Variants in STK3 observed in about 807,000 individuals in gnomAD.
STK3 encodes serine/threonine-protein kinase 3.
In STK3, 41 loss-of-function variants were observed where a neutral mutation model predicts 58.0. The ratio of observed to expected loss-of-function variants is 0.71; its 90% CI spans 0.55 to 0.92. The LOEUF (loss-of-function observed/expected upper bound fraction) is 0.92, where lower values mean the gene tolerates loss of function less well. STK3 is among the 40% of genes least tolerant of loss of function. The pLI is 0.00. For missense variants in STK3, 479 were observed against 602.7 expected (o/e 0.79, Z 2.15); for synonymous variants, 170 against 191.0 (o/e 0.89, Z 0.91).
chr8:98,842,218 A>C (rs1457766399), intron 3 of STK3, among the ~76,000 whole-genome samples: 2 of 152,218 alleles, frequency 1.3e-5, no homozygotes, highest in African/African-American at 2.4e-5. Context: ...TTAATATATA[A>C]ATTTAGTTAA....
chr8:98,718,494 C>T (rs186827677), intron 4 of STK3, among the ~76,000 whole-genome samples: 44 of 152,262 alleles, frequency 2.9e-4, no homozygotes, highest in African/African-American at 1.1e-3. Context: ...AAAGCAAGCA[C>T]CATACTCTAA....
chr8:98,713,861 C>A (rs558462472), intron 4 of STK3, among the ~76,000 whole-genome samples: 2 of 152,154 alleles, frequency 1.3e-5, no homozygotes, highest in South Asian at 4.2e-4. Flanking sequence ...CCCTGATGAA[C>A]ATCGATGCAA....
At chr8:98,619,613 T>A (rs1818079169) in intron 6 of STK3, among the ~76,000 whole-genome samples, 2 of 94,076 alleles carry the variant, frequency 2.1e-5, no homozygotes, top group African/African-American at 4.5e-5. Flanking sequence ...TCAAACAAAT[T>A]TACAAGAAAA....
chr8:98,625,150 C>T (rs529764914), intron 6 of STK3, among the ~76,000 whole-genome samples: 4 of 152,216 alleles, frequency 2.6e-5, no homozygotes, highest in East Asian at 3.9e-4. Context: ...GCTAAATGGT[C>T]GTGGCCTTGT....
At chr8:98,765,067 G>T (rs757751983) in intron 3 of STK3, among the ~76,000 whole-genome samples, 14 of 152,180 alleles carry the variant, frequency 9.2e-5, no homozygotes, top group Non-Finnish European at 1.8e-4. Flanking sequence ...TGAGGGAAGA[G>T]ATATGTAATA....
intron 4 of STK3, among the ~76,000 whole-genome samples, chr8:98,746,540 G>A (rs901984431): frequency 6.6e-6 from 1 of 152,118 alleles, no homozygotes; most frequent in Non-Finnish European, 1.5e-5. Flanking sequence ...TTGAGCCCAG[G>A]AGGCCGGGGC....
intron 8 of STK3, among the ~76,000 whole-genome samples, chr8:98,554,616 C>T (rs983050782): frequency 3.3e-5 from 5 of 152,002 alleles, no homozygotes; most frequent in East Asian, 1.9e-4. Context: ...ATCTAATTTA[C>T]AAATTGACAG....
At chr8:98,370,213 T>A (rs1225961591), downstream of STK3, among the ~76,000 whole-genome samples, 1 of 151,166 alleles carries the variant, frequency 6.6e-6, no homozygotes, top group Admixed American at 6.6e-5. Context: ...AGGTCTTTAA[T>A]GTTTGTTGGG....
intron 3 of STK3, among the ~76,000 whole-genome samples, chr8:98,408,024 AGCACTTGATGAGAC>A (rs1408369878): frequency 1.3e-5 from 2 of 152,222 alleles, no homozygotes; most frequent in East Asian, 1.9e-4. Flanking sequence ...CTTTGCAGAG[AGCACTTGATGAGAC>A]GCACTTGATG....
At chr8:98,839,579 T>C (rs1455429809) in intron 3 of STK3, among the ~76,000 whole-genome samples, 1 of 152,260 alleles carries the variant, frequency 6.6e-6, no homozygotes, top group Admixed American at 6.5e-5. Flanking sequence ...ATCTTCTTTT[T>C]GCTCTTTCTT....
chr8:98,847,964 A>G (rs1337619270), intron 3 of STK3, among the ~76,000 whole-genome samples: 1 of 152,174 alleles, frequency 6.6e-6, no homozygotes, highest in Non-Finnish European at 1.5e-5. Context: ...GGGCCTCTCC[A>G]CAGAGCTATA....
At chr8:98,345,802 T>TA in the STK3 span, among the ~76,000 whole-genome samples, 1 of 151,988 alleles carries the variant, frequency 6.6e-6, no homozygotes. Context: ...TAAATAGAAA[T>TA]GTGGAAAATA....
chr8:98,619,045 C>T (rs1236539467), intron 6 of STK3, among the ~76,000 whole-genome samples: 1 of 148,624 alleles, frequency 6.7e-6, no homozygotes, highest in Non-Finnish European at 1.5e-5. Context: ...GGAGGCATCA[C>T]ACTACCTGAC....
At chr8:98,558,986 A>T (rs1811807733) in intron 8 of STK3, among the ~76,000 whole-genome samples, 2 of 152,142 alleles carry the variant, frequency 1.3e-5, no homozygotes, top group South Asian at 4.1e-4. Flanking sequence ...GAACTTCCTG[A>T]TAAAAATGAA....
intron 1 of STK3, among the ~76,000 whole-genome samples, chr8:98,792,598 A>C (rs1435414719): frequency 6.6e-6 from 1 of 152,098 alleles, no homozygotes; most frequent in Non-Finnish European, 1.5e-5. Flanking sequence ...TACTTGGAAG[A>C]CTGAGGCAGG....
chr8:98,579,078 G>A (rs537861690), intron 8 of STK3, among the ~76,000 whole-genome samples: 13 of 152,208 alleles, frequency 8.5e-5, no homozygotes, highest in African/African-American at 2.9e-4. Flanking sequence ...TTGAACCCGG[G>A]AGGTGGAGGT....
chr8:98,524,692 C>T (rs1033849400), intron 10 of STK3, among the ~76,000 whole-genome samples: 1 of 152,182 alleles, frequency 6.6e-6, no homozygotes, highest in African/African-American at 2.4e-5. Context: ...CTACTACTGC[C>T]ACATACAAAC....
chr8:98,615,856 G>C (rs796865656), intron 6 of STK3, among the ~76,000 whole-genome samples: 12 of 33,836 alleles, frequency 3.5e-4, no homozygotes, highest in African/African-American at 1.4e-3. Flanking sequence ...GAAAGTGATG[G>C]GGAGAATGGA....
rs532666567 is a variant in STK3 at position 98,717,008 on chromosome 8, C to T, written c.352-9697G>A. The stretch of plus-strand genomic sequence containing the variant: ...TAGAATCCTTACCTAGCACCATATA[C>T]AAAAATTAATTGAAAATGAATCAAA... On this transcript the variant is annotated intron_variant, in intron 4 of 10. Coordinates refer to ENST00000419617, the MANE Select transcript of STK3 (RefSeq NM_006281.4). Among the ~76,000 whole-genome samples the T allele has an allele frequency of 7.2e-4, 109 of 152,026 alleles. 1 individual carries two copies. The highest frequency in any genetic ancestry group is 2.6e-3 in the African/African-American group (108 of 41,484).
Sources: gnomAD v4.1 joint callset for allele counts (sites outside exome capture counted in the v4.1 genomes callset) on GRCh38, gnomAD v4.1.1 for gene constraint, MANE v1.5 for transcripts, NCBI Gene and HGNC (gene_info 2026-07-23, HGNC 2026-07-21) for gene names.